CCNH: variants seen among roughly 807,000 people sequenced by gnomAD.
CCNH encodes the protein cyclin H.
In CCNH, 31 loss-of-function variants were observed where a neutral mutation model predicts 41.9. That is an observed-to-expected ratio of 0.74 (90% CI 0.56 to 1.00). The LOEUF is 1.00. Ranked by LOEUF, CCNH falls within the 50% of genes least tolerant of loss-of-function variation. The pLI is 0.00. For missense variants in CCNH, 362 were observed against 388.4 expected (o/e 0.93, Z 0.57); for synonymous variants, 138 against 136.1 (o/e 1.01, Z -0.10).
chr5:87,314,506 T>C (rs1417699324), downstream of CCNH, among the ~76,000 whole-genome samples: 1 of 152,194 alleles, frequency 6.6e-6, no homozygotes, highest in Non-Finnish European at 1.5e-5. Context: ...TTGTTAAGGC[T>C]TTTTGACTGA....
At chr5:87,311,793 C>A in the CCNH span, among the ~76,000 whole-genome samples, 6 of 152,210 alleles carry the variant, frequency 3.9e-5, no homozygotes, top group Non-Finnish European at 8.8e-5. Context: ...CAGACTGATA[C>A]TGCATGGACC....
chr5:87,407,860 C>G (rs530898129), intron 4 of CCNH, 116 bp downstream of exon 4: 1 of 740,852 alleles, frequency 1.3e-6, no homozygotes, highest in African/African-American at 1.8e-5. Flanking sequence ...GCCAGACCCA[C>G]AGGTTGTATC....
chr5:87,384,185 A>T (rs1367261643), intron 9 of CCNH, among the ~76,000 whole-genome samples: 1 of 152,166 alleles, frequency 6.6e-6, no homozygotes, highest in Non-Finnish European at 1.5e-5. Context: ...TTGGAATAGT[A>T]TTCTGTGAGT....
At chr5:87,326,712 T>G (rs892087826) in intron 9 of CCNH, among the ~76,000 whole-genome samples, 1 of 152,154 alleles carries the variant, frequency 6.6e-6, no homozygotes, top group Non-Finnish European at 1.5e-5. Context: ...GGGAAAAGAA[T>G]GGGGGCTCTT....
intron 9 of CCNH, among the ~76,000 whole-genome samples, chr5:87,352,084 T>A (rs1561302500): frequency 1.3e-5 from 2 of 151,720 alleles, no homozygotes; most frequent in Admixed American, 6.6e-5. Flanking sequence ...TAGATTTTTT[T>A]ATTAAAAACA....
intron 3 of CCNH, 142 bp downstream of exon 3, chr5:87,409,148 A>G (rs2112579964): frequency 6.9e-6 from 3 of 434,280 alleles, no homozygotes; most frequent in South Asian, 1.2e-4. Context: ...AAAAAAAAAA[A>G]TAGAATTCAA....
chr5:87,344,085 G>A (rs1163319649), intron 9 of CCNH, among the ~76,000 whole-genome samples: 2 of 152,034 alleles, frequency 1.3e-5, no homozygotes, highest in East Asian at 1.9e-4. Flanking sequence ...CAGGGAAGGG[G>A]GGATACAATA....
At chr5:87,352,360 C>T (rs745564938) in intron 9 of CCNH, among the ~76,000 whole-genome samples, 4 of 151,390 alleles carry the variant, frequency 2.6e-5, no homozygotes, top group Non-Finnish European at 5.9e-5. Context: ...TAAACAAAAT[C>T]TGTCTGGAGA....
intron 9 of CCNH, among the ~76,000 whole-genome samples, chr5:87,351,210 A>T (rs141078809): frequency 1.3e-4 from 20 of 151,856 alleles, no homozygotes; most frequent in Admixed American, 5.9e-4. Flanking sequence ...GGCATTTAAT[A>T]GCAAATTTAA....
In CCNH at chr5:87,395,056, G is replaced by T. The variant is rs1344182484; in HGVS notation, c.921C>A (p.Ser307=). The part of the protein sequence containing the change: ...YEDDDYVSKK[S]KHEEEEWTDD... The stretch of plus-strand genomic sequence containing the variant: ...GAGTAAAACATACCTCCTCATGTTT[G>T]GATTTCTTTGAGACGTAATCATCAT... Residue 307 remains serine (S), a synonymous_variant, in exon 8 of 9, where the codon TCC becomes TCA. Transcript: ENST00000256897. 4.3e-6 allele frequency: 7 copies of T among 1,610,434 alleles called. No homozygotes were observed. The highest frequency in any genetic ancestry group is 1.7e-4 in the Middle Eastern group (1 of 6,052).
At chr5:87,380,185 G>A (rs1761612026), upstream of CCNH, among the ~76,000 whole-genome samples, 2 of 151,938 alleles carry the variant, frequency 1.3e-5, no homozygotes, top group African/African-American at 4.8e-5. Flanking sequence ...TATGCTTGTC[G>A]GCCTCCAGTA....
At chr5:87,330,188 C>A (rs919760770) in intron 9 of CCNH, among the ~76,000 whole-genome samples, 2 of 152,038 alleles carry the variant, frequency 1.3e-5, no homozygotes, top group African/African-American at 4.8e-5. Context: ...TAATTCTTTC[C>A]ATAAGTTTTA....
chr5:87,313,080 G>A, the CCNH span, among the ~76,000 whole-genome samples: 1 of 152,188 alleles, frequency 6.6e-6, no homozygotes, highest in East Asian at 1.9e-4. Context: ...ATCTTTGAGT[G>A]TCAACAAGTT....
chr5:87,344,867 C>T (rs1484308514), intron 9 of CCNH, among the ~76,000 whole-genome samples: 1 of 151,890 alleles, frequency 6.6e-6, no homozygotes, highest in East Asian at 1.9e-4. Context: ...CAGAATTCTT[C>T]CATTCATACT....
intron 9 of CCNH, among the ~76,000 whole-genome samples, chr5:87,332,994 A>T (rs1757705638): frequency 6.6e-6 from 1 of 152,128 alleles, no homozygotes; most frequent in Non-Finnish European, 1.5e-5. Context: ...AGGTTAATGT[A>T]TATGTTTCAT....
At chr5:87,380,413 A>C (rs773582333), upstream of CCNH, 2 of 1,115,616 alleles carry the variant, frequency 1.8e-6, no homozygotes, top group Non-Finnish European at 2.7e-6. Flanking sequence ...AGTTTTATTG[A>C]ACTGTGGTAT....
downstream of CCNH, among the ~76,000 whole-genome samples, chr5:87,371,940 GT>G (rs1230924462): frequency 2.0e-5 from 3 of 151,050 alleles, no homozygotes; most frequent in African/African-American, 7.3e-5. Flanking sequence ...TATTGTTATT[GT>G]TATGTTATTG....
At chr5:87,345,553 T>G (rs1409330556) in intron 9 of CCNH, among the ~76,000 whole-genome samples, 1 of 152,190 alleles carries the variant, frequency 6.6e-6, no homozygotes, top group African/African-American at 2.4e-5. Context: ...TTGCTTTATA[T>G]TATTCAAAAT....
upstream of CCNH, among the ~76,000 whole-genome samples, chr5:87,377,638 T>G (rs1165012536): frequency 6.6e-6 from 1 of 152,108 alleles, no homozygotes; most frequent in Middle Eastern, 3.2e-3. Context: ...TTTTACTTCT[T>G]CATTACACAG....
Sources: gnomAD v4.1 joint callset for allele counts (sites outside exome capture counted in the v4.1 genomes callset) on GRCh38, gnomAD v4.1.1 for gene constraint, MANE v1.5 for transcripts, NCBI Gene and HGNC (gene_info 2026-07-23, HGNC 2026-07-21) for gene names.